Variants in LRATD1 observed in about 807,000 individuals in gnomAD.
The protein encoded by LRATD1 is LRAT domain containing 1.
A neutral mutation model predicts 21.3 loss-of-function variants in LRATD1; 8 were observed. The observed-to-expected ratio is 0.38, with a 90% CI of 0.22 to 0.68. LRATD1 has a LOEUF of 0.68. Ranked by LOEUF, LRATD1 falls within the 30% of genes least tolerant of loss-of-function variation. LRATD1 has a pLI of 0.54. For synonymous variants in LRATD1, 210 were observed against 186.2 expected (o/e 1.13, Z -1.04); for missense variants, 380 against 404.0 (o/e 0.94, Z 0.51).
downstream of LRATD1, among the ~76,000 whole-genome samples, chr2:14,642,314 G>T (rs1671821299): frequency 6.6e-6 from 1 of 152,128 alleles, no homozygotes; most frequent in African/African-American, 2.4e-5. Context: ...TGGGTATAAT[G>T]GTACAAACAT....
chr2:14,649,505 A>G (rs1478351245), intron 5 of LRATD1: 1 of 385,468 alleles, frequency 2.6e-6, no homozygotes, highest in Non-Finnish European at 5.2e-6. Flanking sequence ...GTGAAATATC[A>G]GGAGATCCCA....
rs767944205 is a variant in LRATD1 at position 14,634,225 on chromosome 2, C to G, written c.246C>G (p.Asn82Lys). ...HHHLLHQLVL[N>K]ETQFSAFRGQ... is the part of the protein sequence containing the mutation. ...ACCTGCTGCACCAGCTGGTCCTCAACGAGACTCAGTTTTCCGCCTTTCGGG... is the reference window on the plus strand; with the variant it reads ...ACCTGCTGCACCAGCTGGTCCTCAAGGAGACTCAGTTTTCCGCCTTTCGGG... Residue 82 changes from asparagine (N) to lysine (K), a missense_variant, in exon 2 of 2, where the codon AAC becomes AAG. Asn to Lys is a moderately conservative substitution (Grantham distance 94, BLOSUM62 0). Transcript: ENST00000295092. 8 of 1,612,818 alleles carry G rather than the reference C, an allele frequency of 5.0e-6. No individual in the cohort carries two copies. In the South Asian group the frequency reaches 7.7e-5, roughly 15 times the overall value.
rs1245973804 is a variant in LRATD1, at chr2:14,633,651, C to G, written c.-36-293C>G. On this transcript the variant is annotated intron_variant, in intron 1 of 1. Transcript: ENST00000295092. This position sits in a 1 kb window ranked among gnomAD's most constrained non-coding sequence, Gnocchi z 7.5. ...GCCACAGCCAGCACTCTCCTCCCCA[C>G]CGGGACCCCGCAAGCTCTCCAGCCA... 1 of 336,972 alleles carries G rather than the reference C, an allele frequency of 3.0e-6. No homozygotes were observed. The highest frequency in any genetic ancestry group is 5.2e-5 in the East Asian group (1 of 19,148). 20.9% of individuals were successfully genotyped at this position (336,972 alleles called of 1,614,324 possible). A position where few individuals can be genotyped will look rare whatever the true frequency, so the allele number is the denominator to read the frequency against.
rs569482335 is a variant in LRATD1, at chr2:14,635,956, T to C, written c.*1098T>C. 3.4e-6 allele frequency: 1 copy of C among 290,480 alleles called. No individual in the cohort carries two copies. Among genetic ancestry groups the C allele is most frequent in the Admixed American group, 4.6e-5 (1 of 21,508 alleles). The allele number at this position is 290,480 out of a possible 1,614,324, so 18.0% of individuals were successfully genotyped here. A position where few individuals can be genotyped will look rare whatever the true frequency, so the allele number is the denominator to read the frequency against. ...AAATGAGAGAGCAGTTTTCCAACTATGTCAACAAAGCCTATCGTGTTGATG... is the reference window on the plus strand; with the variant it reads ...AAATGAGAGAGCAGTTTTCCAACTACGTCAACAAAGCCTATCGTGTTGATG... On this transcript the variant is annotated 3_prime_UTR_variant, in exon 2 of 2. Coordinates refer to ENST00000295092, the MANE Select transcript of LRATD1 (RefSeq NM_145175.4).
chr2:14,650,846 G>A (rs534105682), downstream of LRATD1: 2 of 152,076 alleles, frequency 1.3e-5, no homozygotes, highest in Non-Finnish European at 2.9e-5. Context: ...TTATTTCCTT[G>A]GAATATATTT....
chr2:14,637,989 C>T lies in LRATD1; in HGVS notation c.*3131C>T, dbSNP rs192030970. On this transcript the variant is annotated 3_prime_UTR_variant, in exon 2 of 2. Transcript: ENST00000295092. ...CTGGGGATTGGTTCTGTTCCCCCTG[C>T]TCCCGTGTAGAGAAAAGCTATATTT... 3.6e-5 allele frequency: 6 copies of T among 167,038 alleles called. No individual in the cohort carries two copies. The East Asian group carries it at 1.2e-3, about 32-fold the overall frequency. The allele number at this position is 167,038 out of a possible 1,614,324, so 10.3% of individuals were successfully genotyped here. A position where few individuals can be genotyped will look rare whatever the true frequency, so the allele number is the denominator to read the frequency against.
chr2:14,644,972 AT>A (rs1671870263), downstream of LRATD1, among the ~76,000 whole-genome samples: 4 of 152,352 alleles, frequency 2.6e-5, no homozygotes, highest in South Asian at 8.3e-4. Flanking sequence ...CTCTAAAAAA[AT>A]GGTATTGGCT....
At chr2:14,644,603 T>C (rs572114532), downstream of LRATD1, among the ~76,000 whole-genome samples, 2 of 152,288 alleles carry the variant, frequency 1.3e-5, no homozygotes, top group East Asian at 3.9e-4. Context: ...CTTGTAGACA[T>C]GGTCTTTGAT....
rs752337163 is a variant in LRATD1 at position 14,635,590 on chromosome 2, G to T, written c.*732G>T. The T allele has an allele frequency of 8.5e-6, 4 of 470,888 alleles. No individual in the cohort carries two copies. Among genetic ancestry groups the T allele is most frequent in the African/African-American group, 4.0e-5 (2 of 50,052 alleles). The allele number at this position is 470,888 out of a possible 1,614,324, so 29.2% of individuals were successfully genotyped here. ...CCGCCTTTGCCTGCGAGTCTCCCTC[G>T]CTGGCAGAAGGGAAGCCGGCCCGGT... is the stretch of plus-strand genomic sequence containing the variant. On this transcript the variant is annotated 3_prime_UTR_variant, in exon 2 of 2. Coordinates refer to ENST00000295092, the MANE Select transcript of LRATD1 (RefSeq NM_145175.4).
At chr2:14,646,308 A>G (rs1006701764) in intron 3 of LRATD1, 4 of 152,142 alleles carry the variant, frequency 2.6e-5, no homozygotes, top group Admixed American at 6.5e-5. Flanking sequence ...TTGATGTCCA[A>G]CCTCCTGGAA....
Position 14,636,934 on chromosome 2 carries a change from G to A in LRATD1, c.*2076G>A, listed in dbSNP as rs1357115541. 1 of 166,730 alleles carries A rather than the reference G, an allele frequency of 6.0e-6. No homozygotes were observed. Among genetic ancestry groups the A allele is most frequent in the Non-Finnish European group, 1.5e-5 (1 of 68,082 alleles). 10.3% of individuals were successfully genotyped at this position (166,730 alleles called of 1,614,324 possible). A position where few individuals can be genotyped will look rare whatever the true frequency, so the allele number is the denominator to read the frequency against. ...TCAAAACGTCAGATCAATGAACTAT[G>A]AACTAAAGTATTTTTCTTAAGCCTA... On this transcript the variant is annotated 3_prime_UTR_variant, in exon 2 of 2. Coordinates refer to ENST00000295092, the MANE Select transcript of LRATD1 (RefSeq NM_145175.4).
chr2:14,647,776 G>T (rs997551799), intron 4 of LRATD1, among the ~76,000 whole-genome samples: 1 of 152,054 alleles, frequency 6.6e-6, no homozygotes, highest in African/African-American at 2.4e-5. Context: ...AAGTCACTCA[G>T]TTCATGGTAT....
At chr2:14,646,744 T>C in intron 4 of LRATD1, among the ~76,000 whole-genome samples, 1 of 152,158 alleles carries the variant, frequency 6.6e-6, no homozygotes, top group East Asian at 1.9e-4. Flanking sequence ...CAGGCACTAA[T>C]CTGGATGAAG....
Position 14,633,858 on chromosome 2 carries a change from C to T in LRATD1, c.-36-86C>T. On this transcript the variant is annotated intron_variant, in intron 1 of 1. Coordinates refer to ENST00000295092, the MANE Select transcript of LRATD1 (RefSeq NM_145175.4). The surrounding 1 kb of genome is among the most constrained non-coding windows in gnomAD (Gnocchi z 7.5). ...GGGCACGTAAGCTAGCCGGCAGGTC[C>T]CAGGGGCACTGCACGTCTTGGGGAG... 1 of 1,320,566 alleles carries T rather than the reference C, an allele frequency of 7.6e-7. No individual in the cohort carries two copies. 81.8% of individuals were successfully genotyped at this position (1,320,566 alleles called of 1,614,324 possible).
At position 14,634,179 on chromosome 2, in the gene LRATD1, G is replaced by A. The variant is rs1671622998; in HGVS notation, c.200G>A (p.Ser67Asn). 1 of 1,612,938 alleles carries A rather than the reference G, an allele frequency of 6.2e-7. No individual in the cohort carries two copies. Among genetic ancestry groups the A allele is most frequent in the Non-Finnish European group, 8.5e-7 (1 of 1,179,766 alleles). ...APPGCTPCPE[S>N]PSRHHHHLLH... ...CCGGGTTGCACCCCCTGCCCGGAGA[G>A]CCCCAGCCGCCACCACCACCACCTG... The change falls in exon 2 of 2, where the codon AGC becomes AAC. Residue 67 changes from serine (S) to asparagine (N), a missense_variant. Ser to Asn is a conservative substitution (Grantham distance 46). Coordinates refer to ENST00000295092, the MANE Select transcript of LRATD1 (RefSeq NM_145175.4).
chr2:14,636,263 C>T lies in LRATD1; in HGVS notation c.*1405C>T, dbSNP rs1671686626. ...CTGAATTTCTGTCAGTTAAGGGGTT[C>T]ACTGCTTTGGTGGAAATTGGTGGAA... On this transcript the variant is annotated 3_prime_UTR_variant, in exon 2 of 2. Coordinates refer to ENST00000295092, the MANE Select transcript of LRATD1 (RefSeq NM_145175.4). 6.0e-6 allele frequency: 1 copy of T among 167,194 alleles called. No individual in the cohort carries two copies. The highest frequency in any genetic ancestry group is 2.1e-4 in the South Asian group (1 of 4,844). 10.4% of individuals were successfully genotyped at this position (167,194 alleles called of 1,614,324 possible).
In LRATD1 at chr2:14,647,973, C is replaced by G. The variant is rs1671924004; in HGVS notation, n.437-1343C>G. The stretch of plus-strand genomic sequence containing the variant: ...ACCCTTCACTGAGAACTATTGCACT[C>G]TCGTCTATGTTCACTGCTTTTAAGG... On this transcript the variant is annotated intron_variant and non_coding_transcript_variant, in intron 4 of 5. Transcript: ENST00000464947. Among the ~76,000 whole-genome samples, 3 of 152,170 alleles carry G rather than the reference C, an allele frequency of 2.0e-5. No individual in the cohort carries two copies. The South Asian group carries it at 6.2e-4, about 32-fold the overall frequency.
At chr2:14,651,628 C>A (rs1226400964), downstream of LRATD1, among the ~76,000 whole-genome samples, 1 of 152,132 alleles carries the variant, frequency 6.6e-6, no homozygotes, top group Non-Finnish European at 1.5e-5. Flanking sequence ...TTGTATTTCC[C>A]TAAATACCAG....
downstream of LRATD1, among the ~76,000 whole-genome samples, chr2:14,643,196 C>T (rs1671833178): frequency 6.6e-6 from 1 of 152,136 alleles, no homozygotes; most frequent in African/African-American, 2.4e-5. Flanking sequence ...TTTCAGAAAT[C>T]AGTGCCCCTT....
Sources: gnomAD v4.1 joint callset for allele counts (sites outside exome capture counted in the v4.1 genomes callset) on GRCh38, gnomAD v4.1.1 for gene constraint, Gnocchi (gnomAD v3.1) non-coding constraint, MANE v1.5 for transcripts, NCBI Gene and HGNC (gene_info 2026-07-23, HGNC 2026-07-21) for gene names.